Variants in KIFBP observed in about 807,000 individuals in gnomAD.
KIFBP encodes the protein kinesin family binding protein.
Under a neutral mutation model 58.9 loss-of-function variants are expected in KIFBP, and 46 were observed. The ratio of observed to expected loss-of-function variants is 0.78; its 90% CI spans 0.62 to 1.00. The LOEUF (loss-of-function observed/expected upper bound fraction) is 1.00. Among genes scored for constraint, KIFBP ranks in the 50% least tolerant of loss-of-function variants. The probability of loss-of-function intolerance (pLI) is 0.00; values close to 1 mark genes in which losing one functional copy is unlikely to be tolerated. For missense variants in KIFBP, 651 were observed against 752.9 expected, an observed-to-expected ratio of 0.86 and a Z score of 1.58; for synonymous variants, 241 against 283.4, an observed-to-expected ratio of 0.85 and a Z score of 1.50.
chr10:68,997,661 A>G (rs1449245014), intron 1 of KIFBP, among the ~76,000 whole-genome samples: 1 of 152,010 alleles, frequency 6.6e-6, no homozygotes, highest in Non-Finnish European at 1.5e-5. Flanking sequence ...CTGCCTTCCT[A>G]ATAACTTACT....
intron 5 of KIFBP, among the ~76,000 whole-genome samples, chr10:69,010,032 G>A (rs1843574886): frequency 6.6e-6 from 1 of 151,954 alleles, no homozygotes; most frequent in Non-Finnish European, 1.5e-5. Flanking sequence ...AAGTCTAAGA[G>A]GCACTTGTCT....
chr10:69,016,211 A>G lies in KIFBP; in HGVS notation c.1661A>G (p.Tyr554Cys). 1.2e-6 allele frequency: 2 copies of G among 1,612,434 alleles called. No homozygotes were observed. The highest frequency in any genetic ancestry group is 1.1e-5 in the South Asian group (1 of 90,758). Residue 554 changes from tyrosine to cysteine, a missense_variant, in exon 7 of 7, where the codon TAT becomes TGT. By Grantham distance (194) the Tyr-to-Cys change is radical. Transcript: ENST00000361983. Reference protein sequence around the residue: ...MLAKFRVARLYGKIITADPKK... With the variant: ...MLAKFRVARLCGKIITADPKK... ...GCTAAGTTTCGAGTTGCCCGTCTCT[A>G]TGGCAAAATCATTACTGCAGATCCC...
intron 1 of KIFBP, among the ~76,000 whole-genome samples, chr10:68,998,838 C>T (rs1469820843): frequency 7.1e-6 from 1 of 141,754 alleles, no homozygotes; most frequent in African/African-American, 2.6e-5. Context: ...TGCAGTGGCA[C>T]GATCTCGGCT....
At chr10:69,001,490 C>T (rs1189781782) in intron 2 of KIFBP, among the ~76,000 whole-genome samples, 2 of 152,174 alleles carry the variant, frequency 1.3e-5, no homozygotes, top group African/African-American at 4.8e-5. Flanking sequence ...CATGGTGGCT[C>T]ATGCCTGTAA....
At chr10:69,006,938 C>T (rs753222458) in intron 4 of KIFBP, 7 of 152,184 alleles carry the variant, frequency 4.6e-5, no homozygotes, top group Non-Finnish European at 8.8e-5. Flanking sequence ...GTGTAAGTAA[C>T]GCTACTGCAT....
intron 3 of KIFBP, 82 bp downstream of exon 3, chr10:69,005,207 G>A (rs1047901086): frequency 1.9e-5 from 19 of 1,015,746 alleles, no homozygotes; most frequent in Middle Eastern, 2.1e-4. Flanking sequence ...ACTTATAAAG[G>A]TTATAGAATG....
rs916055618 is a variant in KIFBP, at chr10:69,015,565, G to A, written c.1015G>A (p.Asp339Asn). The change falls in exon 7 of 7, where the codon GAT becomes AAT. Residue 339 changes from aspartate to asparagine, a missense_variant. By Grantham distance (23) the Asp-to-Asn change is conservative (BLOSUM62 1). Coordinates refer to ENST00000361983, the MANE Select transcript of KIFBP (RefSeq NM_015634.4). ...GGACAACATAGGAGAGCTTGATCTT[G>A]ATAAACAGTCTGAACTTAGAGCTTT... ...MQDNIGELDL[D>N]KQSELRALRK... is the part of the protein sequence containing the mutation. The A allele has an allele frequency of 5.6e-6, 9 of 1,613,462 alleles. 1 individual carries two copies. The highest frequency in any genetic ancestry group is 1.7e-5 in the Admixed American group (1 of 59,870).
Position 68,989,038 on chromosome 10 carries a change from C to T in KIFBP, c.206C>T (p.Ala69Val), listed in dbSNP as rs1490219246. The T allele has an allele frequency of 6.2e-7, 1 of 1,613,490 alleles. No individual in the cohort carries two copies. The highest frequency in any genetic ancestry group is 8.5e-7 in the Non-Finnish European group (1 of 1,179,616). The change falls in exon 1 of 7, where the codon GCC becomes GTC. Residue 69 changes from alanine (A) to valine (V), a missense_variant. Transcript: ENST00000361983. ...ERPEAEDGPG[A>V]GDHALGLPAE... Reference sequence around the variant, plus strand: ...CCTGAGGCCGAGGACGGCCCGGGTGCCGGTGACCACGCCCTGGGGCTGCCG... The same window carrying T: ...CCTGAGGCCGAGGACGGCCCGGGTGTCGGTGACCACGCCCTGGGGCTGCCG...
In KIFBP at chr10:68,988,993, C is replaced by G; in HGVS notation, c.161C>G (p.Pro54Arg). The G allele has an allele frequency of 6.2e-7, 1 of 1,614,244 alleles. No homozygotes were observed. The change falls in exon 1 of 7, where the codon CCT becomes CGT. Residue 54 changes from proline (P) to arginine (R), a missense_variant. By Grantham distance (103) the Pro-to-Arg change is moderately radical (BLOSUM62 -2). Coordinates refer to ENST00000361983, the MANE Select transcript of KIFBP (RefSeq NM_015634.4). ...GTCAAGGCGCTGCTCGGCCCTGCGCCTGAGGACGAGGATGAGCGGCCTGAG... is the reference window on the plus strand; with the variant it reads ...GTCAAGGCGCTGCTCGGCCCTGCGCGTGAGGACGAGGATGAGCGGCCTGAG... Reference protein sequence around the residue: ...EEVKALLGPAPEDEDERPEAE... With the variant: ...EEVKALLGPAREDEDERPEAE...
At chr10:69,011,779 T>C (rs1843596741) in intron 6 of KIFBP, among the ~76,000 whole-genome samples, 2 of 147,722 alleles carry the variant, frequency 1.4e-5, no homozygotes, top group South Asian at 4.4e-4. Context: ...CAACCTCTGC[T>C]TCCTGGGTTC....
intron 6 of KIFBP, among the ~76,000 whole-genome samples, chr10:69,012,946 CT>C (rs1031860786): frequency 2.0e-5 from 3 of 151,980 alleles, no homozygotes; most frequent in Admixed American, 2.0e-4. Flanking sequence ...GTTCCTCAGG[CT>C]TAACAGGAAG....
chr10:69,000,952 G>A lies in KIFBP; in HGVS notation c.525+430G>A, dbSNP rs74703983. Among the ~76,000 whole-genome samples the A allele has an allele frequency of 8.9e-3, 1,359 of 152,270 alleles. 3 individuals are homozygous for A. The highest frequency in any genetic ancestry group is 0.015 in the Non-Finnish European group (990 of 68,016). On this transcript the variant is annotated intron_variant, in intron 2 of 6. Transcript: ENST00000361983. ...ACCCATCAAAATCTGGAGAGCTCAT[G>A]AAAGCACAGCAGACTGGGCATCCAG...
chr10:68,998,773 T>TATA (rs1228728232), intron 1 of KIFBP, among the ~76,000 whole-genome samples: 10,397 of 57,636 alleles, frequency 0.18, 343 homozygotes, highest in Admixed American at 0.26. Flanking sequence ...ATATATATAT[T>TATA]TTTTTTTTTT....
chr10:69,006,261 G>T (rs1313811698), intron 4 of KIFBP, among the ~76,000 whole-genome samples: 2 of 152,090 alleles, frequency 1.3e-5, no homozygotes, highest in African/African-American at 4.8e-5. Flanking sequence ...TTACGTAATG[G>T]TAATCTCATA....
rs192024017 is a variant in KIFBP at position 69,011,215 on chromosome 10, C to T, written c.990+200C>T. 987 of 537,050 alleles carry T rather than the reference C, an allele frequency of 1.8e-3. 1 individual carries two copies. Among genetic ancestry groups the T allele is most frequent in the Non-Finnish European group, 2.9e-3 (847 of 293,594 alleles). The allele number at this position is 537,050 out of a possible 1,614,324, so 33.3% of individuals were successfully genotyped here. ...TCCGGGAGGCAGAGGCTGCGTGAGCCGAGATTGGACCACTGCACTCCAGCC... is the reference window on the plus strand; with the variant it reads ...TCCGGGAGGCAGAGGCTGCGTGAGCTGAGATTGGACCACTGCACTCCAGCC... On this transcript the variant is annotated intron_variant, in intron 6 of 6. Transcript: ENST00000361983.
intron 4 of KIFBP, among the ~76,000 whole-genome samples, chr10:69,006,671 A>G (rs1214740739): frequency 1.3e-5 from 2 of 152,168 alleles, no homozygotes; most frequent in African/African-American, 4.8e-5. Flanking sequence ...TTTTATTTAT[A>G]TTTCGAATTC....
rs761489666 is a variant in KIFBP at position 68,988,874 on chromosome 10, GGCGGC to G, written c.45_49del (p.Ala16ArgfsTer9). 6.2e-7 allele frequency: 1 copy of G among 1,614,272 alleles called. No homozygotes were observed. The highest frequency in any genetic ancestry group is 8.5e-7 in the Non-Finnish European group (1 of 1,180,054). On this transcript the variant is annotated frameshift_variant, in exon 1 of 7. Coordinates refer to ENST00000361983, the MANE Select transcript of KIFBP (RefSeq NM_015634.4). LOFTEE classifies it high-confidence loss of function. ...GGGCAGAGGTCTGCGAGAAATTCCA[GGCGGC>G]GCTCGCTCTGTCGCGGGTGGAACTG...
At chr10:69,001,146 C>T (rs1843461101) in intron 2 of KIFBP, among the ~76,000 whole-genome samples, 1 of 151,636 alleles carries the variant, frequency 6.6e-6, no homozygotes, top group African/African-American at 2.4e-5. Flanking sequence ...ACCCGTGAAA[C>T]CCTTCTGAAA....
chr10:69,011,476 C>T (rs569802947), intron 6 of KIFBP, among the ~76,000 whole-genome samples: 1 of 149,458 alleles, frequency 6.7e-6, no homozygotes. Context: ...TCACTGCAAC[C>T]TTGGTCTCCC....
Sources: gnomAD v4.1 joint callset for allele counts (sites outside exome capture counted in the v4.1 genomes callset) on GRCh38, gnomAD v4.1.1 for gene constraint, MANE v1.5 for transcripts, NCBI Gene and HGNC (gene_info 2026-07-23, HGNC 2026-07-21) for gene names.